PRUNE2: variants seen among roughly 807,000 people sequenced by gnomAD.
PRUNE2 encodes the protein prune homolog 2 with BCH domain.
PRUNE2 carries 164 observed loss-of-function variants against 252.0 expected under a neutral mutation model. The observed-to-expected ratio is 0.65, with a 90% confidence interval of 0.57 to 0.74. The LOEUF (loss-of-function observed/expected upper bound fraction) is 0.74, where lower values mean the gene tolerates loss of function less well. PRUNE2 is among the 30% of genes least tolerant of loss of function. The probability of loss-of-function intolerance (pLI) is 0.00; values close to 1 mark genes in which losing one functional copy is unlikely to be tolerated. For synonymous variants in PRUNE2, 1,292 were observed against 1,350.2 expected (o/e 0.96, Z 0.94); for missense variants, 3,495 against 3,711.0 (o/e 0.94, Z 1.51).
chr9:76,770,168 T>A (rs544759538), intron 6 of PRUNE2, among the ~76,000 whole-genome samples: 1 of 152,304 alleles, frequency 6.6e-6, no homozygotes, highest in South Asian at 2.1e-4. Context: ...ACATTTATAG[T>A]AAAACTTTTT....
intron 11 of PRUNE2, among the ~76,000 whole-genome samples, chr9:76,651,191 T>C (rs1270517382): frequency 7.0e-6 from 1 of 141,948 alleles, no homozygotes; most frequent in African/African-American, 2.6e-5. Flanking sequence ...TGTAACCAAA[T>C]ACCACCTGTA....
intron 6 of PRUNE2, among the ~76,000 whole-genome samples, chr9:76,798,581 C>T (rs1014823472): frequency 3.3e-5 from 5 of 152,010 alleles, no homozygotes; most frequent in African/African-American, 1.2e-4. Flanking sequence ...TATAGTGCTG[C>T]TATGAACATG....
chr9:76,805,344 C>T (rs1012202064), intron 6 of PRUNE2, among the ~76,000 whole-genome samples: 13 of 152,244 alleles, frequency 8.5e-5, no homozygotes, highest in Admixed American at 5.9e-4. Context: ...GGTGTGGCTG[C>T]GCACGGTGGC....
chr9:76,834,995 A>G (rs1340646427), intron 4 of PRUNE2, among the ~76,000 whole-genome samples: 1 of 152,186 alleles, frequency 6.6e-6, no homozygotes, highest in East Asian at 1.9e-4. Flanking sequence ...ATAAGGACGT[A>G]CCCCAAAGTA....
intron 7 of PRUNE2, among the ~76,000 whole-genome samples, chr9:76,712,134 C>A (rs180965479): frequency 8.5e-5 from 13 of 152,182 alleles, no homozygotes; most frequent in Non-Finnish European, 1.5e-4. Flanking sequence ...CACATAGATA[C>A]TACTACTACT....
chr9:76,632,628 G>C (rs1417340297), intron 15 of PRUNE2, among the ~76,000 whole-genome samples: 2 of 152,134 alleles, frequency 1.3e-5, no homozygotes, highest in African/African-American at 4.8e-5. Flanking sequence ...TATGATCATA[G>C]CTCACTACAG....
At chr9:76,886,356 C>G (rs906767729) in intron 1 of PRUNE2, among the ~76,000 whole-genome samples, 1 of 152,124 alleles carries the variant, frequency 6.6e-6, no homozygotes, top group African/African-American at 2.4e-5. Context: ...ATTCCACGAC[C>G]CTTGTTCTTT....
At chr9:76,831,234 A>G (rs1305925630) in intron 4 of PRUNE2, among the ~76,000 whole-genome samples, 4 of 152,080 alleles carry the variant, frequency 2.6e-5, no homozygotes, top group Non-Finnish European at 5.9e-5. Context: ...CAGCCAACAA[A>G]TTCTAAAAGA....
chr9:76,681,735 G>A (rs997738971), intron 9 of PRUNE2, among the ~76,000 whole-genome samples: 10 of 152,144 alleles, frequency 6.6e-5, no homozygotes, highest in Non-Finnish European at 1.3e-4. Flanking sequence ...CCCACAAGGA[G>A]CTATATCCTA....
intron 11 of PRUNE2, among the ~76,000 whole-genome samples, chr9:76,649,967 C>A (rs1395318525): frequency 6.6e-6 from 1 of 150,518 alleles, no homozygotes; most frequent in Non-Finnish European, 1.5e-5. Context: ...TCCCGCAAGT[C>A]AGGAAAACTG....
At chr9:76,802,738 C>T (rs1367846299) in intron 6 of PRUNE2, among the ~76,000 whole-genome samples, 1 of 151,572 alleles carries the variant, frequency 6.6e-6, no homozygotes, top group Non-Finnish European at 1.5e-5. Context: ...GAGAAAGCTT[C>T]ATGCACTTTA....
At position 76,706,908 on chromosome 9, in the gene PRUNE2, G is replaced by A; in HGVS notation, c.5366C>T (p.Ser1789Phe). Reference protein sequence around the residue: ...ITAVEKEKRSSPETGTTGDVA... With the variant: ...ITAVEKEKRSFPETGTTGDVA... ...ATCTCCTGTTGTCCCTGTTTCTGGAGAAGATCTCTTCTCCTTCTCCACTGC... is the reference window on the plus strand; with the variant it reads ...ATCTCCTGTTGTCCCTGTTTCTGGAAAAGATCTCTTCTCCTTCTCCACTGC... The change falls in exon 8 of 19, where the codon TCT becomes TTT. Residue 1789 changes from serine to phenylalanine, a missense_variant. By Grantham distance (155) the Ser-to-Phe change is radical. Transcript: ENST00000376718. 7 of 1,601,654 alleles carry A rather than the reference G, an allele frequency of 4.4e-6. No homozygotes were observed. The highest frequency in any genetic ancestry group is 5.1e-6 in the Non-Finnish European group (6 of 1,173,572).
chr9:76,701,570 G>A (rs2045892170), intron 9 of PRUNE2, among the ~76,000 whole-genome samples: 1 of 152,156 alleles, frequency 6.6e-6, no homozygotes, highest in South Asian at 2.1e-4. Flanking sequence ...CAGCAGGGCT[G>A]CTGGGATCCA....
Position 76,747,731 on chromosome 9 carries a change from G to A in PRUNE2, c.757-34010C>T, listed in dbSNP as rs115650587. Among the ~76,000 whole-genome samples, 869 of 152,064 alleles carry A rather than the reference G, an allele frequency of 5.7e-3. 5 individuals carry two copies. Among genetic ancestry groups the A allele is most frequent in the African/African-American group, 0.018 (759 of 41,474 alleles). ...CTTAAGGATGACAACAAATCCCACTGTGGCAGTTCTTCTGAGTACAACTCT... is the reference window on the plus strand; with the variant it reads ...CTTAAGGATGACAACAAATCCCACTATGGCAGTTCTTCTGAGTACAACTCT... On this transcript the variant is annotated intron_variant, in intron 6 of 18. Transcript: ENST00000376718.
intron 6 of PRUNE2, among the ~76,000 whole-genome samples, chr9:76,781,195 T>TG (rs1344850840): frequency 6.6e-6 from 1 of 152,212 alleles, no homozygotes; most frequent in Non-Finnish European, 1.5e-5. Context: ...TTATTTGCAT[T>TG]GTTACCTGCT....
Position 76,613,724 on chromosome 9 carries a change from G to A in PRUNE2, c.*846C>T, listed in dbSNP as rs956914442. On this transcript the variant is annotated 3_prime_UTR_variant, in exon 19 of 19. Transcript: ENST00000376718. ...GCAGATCACTTTTTATAATGCATGC[G>A]AGAGAGGAATTCATGAATAACTGAA... is the stretch of plus-strand genomic sequence containing the variant. 1.3e-5 allele frequency: 2 copies of A among 152,136 alleles called. No homozygotes were observed. Among genetic ancestry groups the A allele is most frequent in the Non-Finnish European group, 2.9e-5 (2 of 68,028 alleles). 9.4% of individuals were successfully genotyped at this position (152,136 alleles called of 1,614,324 possible). A position where few individuals can be genotyped will look rare whatever the true frequency, so the allele number is the denominator to read the frequency against.
At chr9:76,754,495 G>A (rs1459408064) in intron 6 of PRUNE2, among the ~76,000 whole-genome samples, 1 of 152,086 alleles carries the variant, frequency 6.6e-6, no homozygotes, top group Non-Finnish European at 1.5e-5. Context: ...GAGTGCCTTC[G>A]GGTGGTTCTT....
intron 6 of PRUNE2, among the ~76,000 whole-genome samples, chr9:76,794,188 T>C (rs1415140056): frequency 6.6e-6 from 1 of 152,200 alleles, no homozygotes; most frequent in Non-Finnish European, 1.5e-5. Context: ...AGTATCTTTT[T>C]CACCAACGAG....
intron 6 of PRUNE2, among the ~76,000 whole-genome samples, chr9:76,730,630 G>C (rs566212562): frequency 1.3e-5 from 2 of 152,198 alleles, no homozygotes; most frequent in Non-Finnish European, 2.9e-5. Context: ...GGCCGGGTAC[G>C]GTGGCTCACG....
Sources: allele counts gnomAD v4.1 joint callset (sites outside exome capture counted in the v4.1 genomes callset), GRCh38; gene constraint gnomAD v4.1.1; transcripts MANE v1.5; gene names NCBI Gene and HGNC (gene_info 2026-07-23, HGNC 2026-07-21).